Variants in TSPAN5 observed in about 807,000 individuals in gnomAD.
TSPAN5 encodes the protein tetraspanin-5.
Under a neutral mutation model 37.1 loss-of-function variants are expected in TSPAN5, and 10 were observed. That is an observed-to-expected ratio of 0.27 (90% CI 0.17 to 0.46). The LOEUF is 0.46. TSPAN5 is among the 20% of genes least tolerant of loss of function. TSPAN5 has a pLI of 1.00. For synonymous variants in TSPAN5, 110 were observed against 118.9 expected (o/e 0.93, Z 0.48); for missense variants, 195 against 326.6 (o/e 0.60, Z 3.11).
chr4:98,644,383 G>C (rs1278437214), intron 1 of TSPAN5, among the ~76,000 whole-genome samples: 1 of 151,974 alleles, frequency 6.6e-6, no homozygotes, highest in Non-Finnish European at 1.5e-5. Flanking sequence ...ACTGTTCTCG[G>C]AGCACCTGAC....
chr4:98,487,440 C>T (rs1752995673), intron 2 of TSPAN5, among the ~76,000 whole-genome samples: 1 of 152,160 alleles, frequency 6.6e-6, no homozygotes, highest in Non-Finnish European at 1.5e-5. Context: ...TTCTGTAAGA[C>T]CCAATTCACG....
chr4:98,562,321 G>A (rs776298330), intron 1 of TSPAN5, among the ~76,000 whole-genome samples: 1 of 152,140 alleles, frequency 6.6e-6, no homozygotes, highest in African/African-American at 2.4e-5. Context: ...CCTCAGGAGA[G>A]AGGAGATGAA....
rs75756375 is a variant in TSPAN5 at position 98,472,597 on chromosome 4, G to A, written c.742-10C>T. ...GGCATATCCCAAATATCTGAGAAAG[G>A]AAGAAAATGTGAGTGAAACAGTGAC... On this transcript the variant is annotated splice_polypyrimidine_tract_variant and intron_variant, in intron 7 of 7. Coordinates refer to ENST00000305798, the MANE Select transcript of TSPAN5 (RefSeq NM_005723.4). The A allele has an allele frequency of 1.4e-3, 2,327 of 1,612,120 alleles. 24 individuals are homozygous for A. The African/African-American group carries it at 0.028, about 19-fold the overall frequency.
At chr4:98,515,493 T>C (rs1454928283) in intron 1 of TSPAN5, among the ~76,000 whole-genome samples, 2 of 151,000 alleles carry the variant, frequency 1.3e-5, no homozygotes, top group Non-Finnish European at 2.9e-5. Flanking sequence ...GAAAATATAC[T>C]AGTTCACAGT....
At chr4:98,480,696 C>T (rs561132041) in intron 4 of TSPAN5, among the ~76,000 whole-genome samples, 5 of 152,248 alleles carry the variant, frequency 3.3e-5, no homozygotes, top group East Asian at 1.9e-4. Context: ...TCATGCATTT[C>T]GAGGTGTGTC....
chr4:98,624,475 T>G (rs914994853), intron 1 of TSPAN5, among the ~76,000 whole-genome samples: 1 of 152,150 alleles, frequency 6.6e-6, no homozygotes, highest in Non-Finnish European at 1.5e-5. Flanking sequence ...TACTAAGAGC[T>G]CCATAAGAAG....
At chr4:98,624,334 T>G (rs1274517442) in intron 1 of TSPAN5, among the ~76,000 whole-genome samples, 1 of 151,920 alleles carries the variant, frequency 6.6e-6, no homozygotes, top group Admixed American at 6.6e-5. Context: ...GGAACTGTTA[T>G]GAGAGCTTTT....
intron 1 of TSPAN5, among the ~76,000 whole-genome samples, chr4:98,620,060 CA>C (rs1756447529): frequency 6.6e-6 from 1 of 152,146 alleles, no homozygotes; most frequent in Non-Finnish European, 1.5e-5. Context: ...AACATGGCTG[CA>C]AATTCTGAAA....
intron 1 of TSPAN5, among the ~76,000 whole-genome samples, chr4:98,543,121 C>A (rs1754395810): frequency 6.6e-6 from 1 of 152,122 alleles, no homozygotes; most frequent in Non-Finnish European, 1.5e-5. Context: ...ACTTCAAAAT[C>A]GTATTTTCAT....
chr4:98,635,536 A>G (rs1327461167), intron 1 of TSPAN5, among the ~76,000 whole-genome samples: 1 of 152,246 alleles, frequency 6.6e-6, no homozygotes, highest in Non-Finnish European at 1.5e-5. Flanking sequence ...CTCACAGTTT[A>G]ATAGCCAGCT....
chr4:98,540,309 G>A (rs1255054240), intron 1 of TSPAN5, among the ~76,000 whole-genome samples: 1 of 151,994 alleles, frequency 6.6e-6, no homozygotes, highest in Non-Finnish European at 1.5e-5. Flanking sequence ...TTGGGAAGAA[G>A]ATGGGATGGG....
intron 2 of TSPAN5, among the ~76,000 whole-genome samples, chr4:98,492,015 C>T (rs1381011342): frequency 6.6e-5 from 10 of 152,210 alleles, no homozygotes; most frequent in Non-Finnish European, 4.4e-5. Flanking sequence ...CCAGCAGACA[C>T]CTAGTCTTCT....
At chr4:98,548,886 G>GGGGGGTGT (rs373285784) in intron 1 of TSPAN5, among the ~76,000 whole-genome samples, 1 of 57,342 alleles carries the variant, frequency 1.7e-5, no homozygotes, top group South Asian at 1.1e-3. Context: ...AGTATTCCAA[G>GGGGGGTGT]GTGTGTGTGT....
At chr4:98,588,680 T>C (rs1374218201) in intron 1 of TSPAN5, among the ~76,000 whole-genome samples, 1 of 152,196 alleles carries the variant, frequency 6.6e-6, no homozygotes, top group Non-Finnish European at 1.5e-5. Flanking sequence ...CCAGTTACGA[T>C]GTTCAAAGAG....
At chr4:98,601,168 G>A (rs1356213141) in intron 1 of TSPAN5, among the ~76,000 whole-genome samples, 1 of 152,180 alleles carries the variant, frequency 6.6e-6, no homozygotes, top group African/African-American at 2.4e-5. Flanking sequence ...TATAGAGTCA[G>A]CATCATTCTT....
chr4:98,645,740 A>G (rs1757052517), intron 1 of TSPAN5, among the ~76,000 whole-genome samples: 1 of 152,214 alleles, frequency 6.6e-6, no homozygotes, highest in Admixed American at 6.5e-5. Context: ...TTTACGCAAC[A>G]GGGAGTCACA....
chr4:98,484,132 C>A (rs962751029), intron 3 of TSPAN5: 13 of 251,076 alleles, frequency 5.2e-5, no homozygotes, highest in Non-Finnish European at 3.2e-5. Context: ...ATTATACATA[C>A]CAAAAATTGA....
At chr4:98,570,012 G>T (rs1398979754) in intron 1 of TSPAN5, among the ~76,000 whole-genome samples, 1 of 152,156 alleles carries the variant, frequency 6.6e-6, no homozygotes. Flanking sequence ...CTATGATGGG[G>T]ATGTGCACAG....
intron 1 of TSPAN5, among the ~76,000 whole-genome samples, chr4:98,587,885 C>T (rs1055952786): frequency 6.7e-6 from 1 of 148,616 alleles, no homozygotes; most frequent in African/African-American, 2.5e-5. Flanking sequence ...AAGACTCCGT[C>T]TCAAAAACAG....
Sources: allele counts gnomAD v4.1 joint callset (sites outside exome capture counted in the v4.1 genomes callset), GRCh38; gene constraint gnomAD v4.1.1; transcripts MANE v1.5; gene names NCBI Gene and HGNC (gene_info 2026-07-23, HGNC 2026-07-21).